IL1RAPL1: variants seen among roughly 807,000 people sequenced by gnomAD.
IL1RAPL1 encodes the protein interleukin-1 receptor accessory protein-like 1.
In IL1RAPL1, 3 loss-of-function variants were observed where a neutral mutation model predicts 48.4. The observed-to-expected ratio is 0.06, with a 90% CI of 0.03 to 0.16. The LOEUF is 0.16. Ranked by LOEUF, IL1RAPL1 falls within the 10% of genes least tolerant of loss-of-function variation. The pLI is 1.00. For missense variants in IL1RAPL1, 349 were observed against 530.6 expected (o/e 0.66, Z 3.36); for synonymous variants, 185 against 187.7 (o/e 0.99, Z 0.12).
chrX:29,320,978 G>T (rs1469147998), intron 3 of IL1RAPL1, among the ~76,000 whole-genome samples: 1 of 110,806 alleles, frequency 9.0e-6, no homozygotes, highest in Non-Finnish European at 1.9e-5. Flanking sequence ...AAAATTAAGA[G>T]TTGAATATGT....
At chrX:29,741,247 AT>A (rs1188149339) in intron 6 of IL1RAPL1, among the ~76,000 whole-genome samples, 1 of 111,831 alleles carries the variant, frequency 8.9e-6, no homozygotes, top group East Asian at 2.8e-4. Flanking sequence ...TTAAAATTCC[AT>A]TTCTAGCCAT....
intron 2 of IL1RAPL1, among the ~76,000 whole-genome samples, chrX:29,224,198 T>G (rs1931036746): frequency 1.8e-5 from 2 of 111,290 alleles, no homozygotes. Flanking sequence ...CAGATGGTAA[T>G]TTTGAGAACA....
chrX:29,174,389 C>T (rs868497847), intron 2 of IL1RAPL1, among the ~76,000 whole-genome samples: 44 of 111,574 alleles, frequency 3.9e-4, no homozygotes, highest in South Asian at 1.5e-3. Context: ...TCACTTGTGC[C>T]GTGACTCGGA....
chrX:29,010,382 T>C (rs1369786768), intron 2 of IL1RAPL1, among the ~76,000 whole-genome samples: 1 of 111,695 alleles, frequency 9.0e-6, no homozygotes, highest in African/African-American at 3.3e-5. Flanking sequence ...ACTGTAGGTT[T>C]GTCATAGATG....
At chrX:29,123,719 G>A (rs1260883376) in intron 2 of IL1RAPL1, among the ~76,000 whole-genome samples, 3 of 111,515 alleles carry the variant, frequency 2.7e-5, no homozygotes, top group African/African-American at 9.8e-5. Context: ...TTCCTCTGGA[G>A]CTGCACTGCC....
At chrX:28,622,510 T>C (rs1569140128) in intron 1 of IL1RAPL1, among the ~76,000 whole-genome samples, 1 of 112,253 alleles carries the variant, frequency 8.9e-6, no homozygotes, top group Non-Finnish European at 1.9e-5. Context: ...AAATTTTATC[T>C]ATGTGATCAT....
At chrX:28,641,638 C>T (rs1006402582) in intron 1 of IL1RAPL1, among the ~76,000 whole-genome samples, 13 of 111,465 alleles carry the variant, frequency 1.2e-4, no homozygotes, top group African/African-American at 2.9e-4. Context: ...TTTGAGGAAT[C>T]GCCGCACTGT....
chrX:29,571,575 A>G (rs1035691482), intron 5 of IL1RAPL1, among the ~76,000 whole-genome samples: 1 of 111,921 alleles, frequency 8.9e-6, no homozygotes. Flanking sequence ...CATAATCTCT[A>G]AATATCATAC....
chrX:28,642,946 T>G (rs1193432915), intron 1 of IL1RAPL1, among the ~76,000 whole-genome samples: 2 of 110,525 alleles, frequency 1.8e-5, no homozygotes, highest in Non-Finnish European at 1.9e-5. Context: ...TGGAGTGCAG[T>G]GGTGTGATCT....
intron 2 of IL1RAPL1, among the ~76,000 whole-genome samples, chrX:29,134,901 A>T (rs1384114429): frequency 4.5e-5 from 5 of 112,000 alleles, no homozygotes; most frequent in Non-Finnish European, 7.5e-5. Flanking sequence ...CCCATGGCCA[A>T]TAGTGCTCCA....
chrX:28,852,630 T>C (rs941483771), intron 2 of IL1RAPL1, among the ~76,000 whole-genome samples: 2 of 111,819 alleles, frequency 1.8e-5, no homozygotes, highest in South Asian at 3.7e-4. Flanking sequence ...AAATAACTCA[T>C]GTGCCTCATT....
intron 1 of IL1RAPL1, among the ~76,000 whole-genome samples, chrX:28,668,822 G>A (rs1484468039): frequency 9.0e-6 from 1 of 111,650 alleles, no homozygotes; most frequent in Non-Finnish European, 1.9e-5. Context: ...TGTACTGTGA[G>A]CCATGGATAG....
intron 1 of IL1RAPL1, among the ~76,000 whole-genome samples, chrX:28,635,421 C>T (rs1934453004): frequency 8.9e-6 from 1 of 111,901 alleles, no homozygotes; most frequent in Non-Finnish European, 1.9e-5. Context: ...GAAAGTGCCA[C>T]ACATTCAGTA....
chrX:28,874,670 G>A (rs1292505193), intron 2 of IL1RAPL1, among the ~76,000 whole-genome samples: 1 of 112,110 alleles, frequency 8.9e-6, no homozygotes, highest in East Asian at 2.8e-4. Flanking sequence ...AATGAACATG[G>A]TGTTATTATA....
At chrX:29,818,349 G>A (rs1467720717) in intron 6 of IL1RAPL1, among the ~76,000 whole-genome samples, 1 of 111,838 alleles carries the variant, frequency 8.9e-6, no homozygotes, top group African/African-American at 3.2e-5. Flanking sequence ...ATTTTGGCCC[G>A]AGGCGAAAAT....
intron 6 of IL1RAPL1, among the ~76,000 whole-genome samples, chrX:29,834,870 T>G (rs1193215654): frequency 8.9e-6 from 1 of 111,752 alleles, no homozygotes; most frequent in Non-Finnish European, 1.9e-5. Flanking sequence ...TATATAAAAC[T>G]GTTCATGTTT....
chrX:29,162,965 C>T (rs1307305808), intron 2 of IL1RAPL1, among the ~76,000 whole-genome samples: 13 of 108,644 alleles, frequency 1.2e-4, no homozygotes, highest in African/African-American at 3.7e-4. Context: ...CCCAGCTACT[C>T]GGGAGGCTGA....
intron 2 of IL1RAPL1, among the ~76,000 whole-genome samples, chrX:29,281,516 T>C (rs2147599011): frequency 9.0e-6 from 1 of 111,084 alleles, no homozygotes; most frequent in South Asian, 3.8e-4. Flanking sequence ...CCTCCGCATT[T>C]CCCACCATGG....
chrX:28,839,713 G>T (rs997795775), intron 2 of IL1RAPL1, among the ~76,000 whole-genome samples: 1 of 110,312 alleles, frequency 9.1e-6, no homozygotes, highest in Non-Finnish European at 1.9e-5. Context: ...AAAAATTTAT[G>T]ACTATTTAAA....
Sources: gnomAD v4.1 joint callset for allele counts (sites outside exome capture counted in the v4.1 genomes callset) on GRCh38, gnomAD v4.1.1 for gene constraint, MANE v1.5 for transcripts, NCBI Gene and HGNC (gene_info 2026-07-23, HGNC 2026-07-21) for gene names.